Variants in SULF2 observed in about 807,000 individuals in gnomAD.
SULF2 encodes sulfatase 2.
SULF2 carries 52 observed loss-of-function variants against 107.7 expected under a neutral mutation model. That is an observed-to-expected ratio of 0.48 (90% confidence interval 0.39 to 0.61). The LOEUF (loss-of-function observed/expected upper bound fraction) is 0.61. SULF2 is among the 20% of genes least tolerant of loss of function. SULF2 has a pLI of 0.00. For missense variants in SULF2, 993 were observed against 1,177.3 expected (o/e 0.84, Z 2.29); for synonymous variants, 460 against 464.3 (o/e 0.99, Z 0.12).
intron 1 of SULF2, among the ~76,000 whole-genome samples, chr20:47,782,650 T>C (rs934046323): frequency 2.9e-4 from 44 of 152,178 alleles, no homozygotes; most frequent in Admixed American, 1.5e-3. Flanking sequence ...CTGAGTGGGC[T>C]GAAATCTTCA....
intron 2 of SULF2, among the ~76,000 whole-genome samples, chr20:47,745,403 A>AGG (rs2089998875): frequency 8.0e-5 from 2 of 25,020 alleles, no homozygotes; most frequent in African/African-American, 3.0e-4. Flanking sequence ...AAAAAAAAAA[A>AGG]AAAAAAAATA....
intron 11 of SULF2, among the ~76,000 whole-genome samples, chr20:47,671,841 A>C (rs925814157): frequency 2.6e-5 from 4 of 151,930 alleles, no homozygotes; most frequent in African/African-American, 9.7e-5. Flanking sequence ...CAGCCTCCCA[A>C]GTAGCTGGGA....
At chr20:47,752,127 G>T (rs763966644) in intron 2 of SULF2, among the ~76,000 whole-genome samples, 1 of 152,184 alleles carries the variant, frequency 6.6e-6, no homozygotes, top group Non-Finnish European at 1.5e-5. Flanking sequence ...TTTTAATGTC[G>T]TTTTGATATG....
At chr20:47,765,524 T>C (rs2090513245) in intron 1 of SULF2, among the ~76,000 whole-genome samples, 1 of 152,078 alleles carries the variant, frequency 6.6e-6, no homozygotes, top group Admixed American at 6.5e-5. Context: ...TGTGCAGATA[T>C]GTCCCACGGG....
intron 3 of SULF2, 124 bp downstream of exon 3, chr20:47,736,579 T>C (rs1227672097): frequency 1.5e-6 from 2 of 1,300,084 alleles, no homozygotes; most frequent in Non-Finnish European, 2.1e-6. Context: ...TCTGAAATTA[T>C]AAGAGAGTTG....
At chr20:47,702,217 C>T (rs563560441) in intron 4 of SULF2, among the ~76,000 whole-genome samples, 1 of 152,162 alleles carries the variant, frequency 6.6e-6, no homozygotes, top group East Asian at 1.9e-4. Flanking sequence ...GCCACCACAC[C>T]CGGCTAAGTT....
intron 3 of SULF2, among the ~76,000 whole-genome samples, chr20:47,730,908 A>T (rs976761283): frequency 2.6e-5 from 4 of 152,150 alleles, no homozygotes; most frequent in African/African-American, 9.7e-5. Context: ...GCTGCTGCAG[A>T]GCAGGTGATC....
intron 2 of SULF2, among the ~76,000 whole-genome samples, chr20:47,754,112 C>T (rs867122272): frequency 2.0e-5 from 3 of 152,100 alleles, no homozygotes; most frequent in Non-Finnish European, 2.9e-5. Context: ...ATTGAATATA[C>T]GTGGTACAGC....
At chr20:47,724,919 CAA>C (rs2089397889) in intron 3 of SULF2, among the ~76,000 whole-genome samples, 1 of 152,178 alleles carries the variant, frequency 6.6e-6, no homozygotes, top group Non-Finnish European at 1.5e-5. Flanking sequence ...TTATAGGTAA[CAA>C]AAGCTACCTA....
At chr20:47,674,636 T>G (rs1469896577) in intron 10 of SULF2, among the ~76,000 whole-genome samples, 1 of 152,186 alleles carries the variant, frequency 6.6e-6, no homozygotes, top group African/African-American at 2.4e-5. Flanking sequence ...GACAGACAGA[T>G]GCACATGAGC....
chr20:47,729,129 G>C (rs2089526746), intron 3 of SULF2, among the ~76,000 whole-genome samples: 1 of 152,260 alleles, frequency 6.6e-6, no homozygotes. Flanking sequence ...GGAAAGTGCA[G>C]ACGTGTAGAA....
chr20:47,684,972 C>T (rs912582192), intron 5 of SULF2: 5 of 163,438 alleles, frequency 3.1e-5, no homozygotes, highest in Non-Finnish European at 6.6e-5. Flanking sequence ...GAGCCTTCAT[C>T]GGGAACCAGT....
chr20:47,693,568 G>C (rs1181784635), intron 4 of SULF2, among the ~76,000 whole-genome samples: 1 of 152,232 alleles, frequency 6.6e-6, no homozygotes, highest in Non-Finnish European at 1.5e-5. Flanking sequence ...GATCAAACGT[G>C]GATAAATCTT....
At chr20:47,705,943 C>T (rs1189239153) in intron 3 of SULF2, among the ~76,000 whole-genome samples, 6 of 151,752 alleles carry the variant, frequency 4.0e-5, no homozygotes, top group East Asian at 1.9e-4. Context: ...GGACTACAAG[C>T]GTGCACCATG....
At chr20:47,676,858 T>C (rs2087658260) in intron 9 of SULF2, among the ~76,000 whole-genome samples, 1 of 152,228 alleles carries the variant, frequency 6.6e-6, no homozygotes, top group African/African-American at 2.4e-5. Flanking sequence ...TTGAAGACAT[T>C]GTAGAGGCTG....
intron 3 of SULF2, among the ~76,000 whole-genome samples, chr20:47,735,964 C>T (rs1008335557): frequency 2.0e-5 from 3 of 152,230 alleles, no homozygotes; most frequent in African/African-American, 7.2e-5. Flanking sequence ...CTTGATTTCA[C>T]AACCGCCGCG....
chr20:47,720,420 T>C (rs2089255428), intron 3 of SULF2, among the ~76,000 whole-genome samples: 1 of 152,114 alleles, frequency 6.6e-6, no homozygotes, highest in Admixed American at 6.5e-5. Context: ...CACGCCCGGC[T>C]AATTCTTTTG....
chr20:47,741,627 A>G (rs1477790605), intron 2 of SULF2, among the ~76,000 whole-genome samples: 2 of 152,186 alleles, frequency 1.3e-5, no homozygotes, highest in African/African-American at 4.8e-5. Flanking sequence ...GTGCTCATAA[A>G]TATTTCTTAA....
intron 3 of SULF2, among the ~76,000 whole-genome samples, chr20:47,714,021 A>G (rs900448237): frequency 6.6e-6 from 1 of 152,130 alleles, no homozygotes; most frequent in Non-Finnish European, 1.5e-5. Flanking sequence ...GATGGGCTGG[A>G]GCGCGGAGCC....
Sources: allele counts gnomAD v4.1 joint callset (sites outside exome capture counted in the v4.1 genomes callset), GRCh38; gene constraint gnomAD v4.1.1; transcripts MANE v1.5; gene names NCBI Gene and HGNC (gene_info 2026-07-23, HGNC 2026-07-21).